CCBE1: variants seen among roughly 807,000 people sequenced by gnomAD.
The protein encoded by CCBE1 is collagen and calcium binding EGF domains 1, also known as collagen and calcium-binding EGF domain-containing protein 1.
A neutral mutation model predicts 50.0 loss-of-function variants in CCBE1; 37 were observed. The ratio of observed to expected loss-of-function variants is 0.74; its 90% CI spans 0.57 to 0.97. The LOEUF (loss-of-function observed/expected upper bound fraction) is 0.97. Among genes scored for constraint, CCBE1 ranks in the 50% least tolerant of loss-of-function variants. The probability of loss-of-function intolerance (pLI) is 0.00; values close to 1 mark genes in which losing one functional copy is unlikely to be tolerated. For missense variants in CCBE1, 538 were observed against 523.8 expected, an observed-to-expected ratio of 1.03 and a Z score of -0.26; for synonymous variants, 234 against 203.7, an observed-to-expected ratio of 1.15 and a Z score of -1.27.
chr18:59,580,374 T>G (rs757153660), intron 2 of CCBE1, among the ~76,000 whole-genome samples: 13 of 152,220 alleles, frequency 8.5e-5, no homozygotes, highest in Non-Finnish European at 1.8e-4. Flanking sequence ...ATGTTCATGT[T>G]GCATATGTTG....
chr18:59,509,727 A>G (rs1438295260), intron 2 of CCBE1, among the ~76,000 whole-genome samples: 1 of 152,206 alleles, frequency 6.6e-6, no homozygotes, highest in African/African-American at 2.4e-5. Flanking sequence ...CTGGAAAACA[A>G]CTATTTCATG....
At chr18:59,625,811 G>C (rs2053775873) in intron 2 of CCBE1, among the ~76,000 whole-genome samples, 1 of 152,040 alleles carries the variant, frequency 6.6e-6, no homozygotes, top group Admixed American at 6.6e-5. Context: ...CTGAGGGGTG[G>C]GGTCTTTGGG....
At chr18:59,527,068 T>A (rs1914853431) in intron 2 of CCBE1, among the ~76,000 whole-genome samples, 1 of 152,184 alleles carries the variant, frequency 6.6e-6, no homozygotes, top group Admixed American at 6.5e-5. Context: ...CTTTGTTAAT[T>A]TTCTCTCGAT....
At chr18:59,559,836 G>A (rs917988452) in intron 2 of CCBE1, among the ~76,000 whole-genome samples, 1 of 152,230 alleles carries the variant, frequency 6.6e-6, no homozygotes, top group East Asian at 1.9e-4. Context: ...CATGCCTGAA[G>A]ATATTCTGGG....
At chr18:59,540,666 A>G (rs1350564010) in intron 2 of CCBE1, among the ~76,000 whole-genome samples, 2 of 152,228 alleles carry the variant, frequency 1.3e-5, no homozygotes, top group Non-Finnish European at 2.9e-5. Context: ...ATGTCTTCCC[A>G]AATGAATTCA....
intron 2 of CCBE1, among the ~76,000 whole-genome samples, chr18:59,543,834 C>CAAAAAAAAAAAAA (rs10678902): frequency 8.3e-4 from 57 of 68,992 alleles, no homozygotes; most frequent in African/African-American, 4.0e-3. Flanking sequence ...GACTCCGTCT[C>CAAAAAAAAAAAAA]AAAAAAAAAA....
At position 59,435,956 on chromosome 18, in the gene CCBE1, T is replaced by C. The variant is rs1044109324; in HGVS notation, c.1173A>G (p.Arg391=). The change falls in exon 11 of 11, where the codon AGA becomes AGG. Residue 391 remains arginine, a synonymous_variant. Coordinates refer to ENST00000439986, the MANE Select transcript of CCBE1 (RefSeq NM_133459.4). ...CTCTCAAGTCTCTTGTCTCAGTTCT[T>C]CTTGGATGGTCATCTCCAGAGCCCA... ...MDLGSGDDHP[R]RTETRDLRAP... is the part of the protein sequence containing the mutation. 15 of 1,614,128 alleles carry C rather than the reference T, an allele frequency of 9.3e-6. No individual in the cohort carries two copies. Among genetic ancestry groups the C allele is most frequent in the Non-Finnish European group, 1.0e-5 (12 of 1,180,032 alleles).
intron 2 of CCBE1, among the ~76,000 whole-genome samples, chr18:59,684,037 G>A (rs1218975641): frequency 5.9e-5 from 9 of 152,136 alleles, no homozygotes; most frequent in Non-Finnish European, 1.0e-4. Context: ...TGTGGTCTCT[G>A]CTGATTATAA....
intron 2 of CCBE1, among the ~76,000 whole-genome samples, chr18:59,634,992 G>C (rs181870137): frequency 6.6e-6 from 1 of 152,238 alleles, no homozygotes; most frequent in East Asian, 1.9e-4. Flanking sequence ...AACAGCTGAG[G>C]GTTCTCCAGA....
intron 2 of CCBE1, among the ~76,000 whole-genome samples, chr18:59,541,051 A>C (rs1403750340): frequency 6.6e-6 from 1 of 152,220 alleles, no homozygotes; most frequent in Non-Finnish European, 1.5e-5. Context: ...AATTCATTTA[A>C]GCTGTCTGAG....
intron 2 of CCBE1, among the ~76,000 whole-genome samples, chr18:59,635,727 AT>A: frequency 6.6e-6 from 1 of 152,156 alleles, no homozygotes; most frequent in East Asian, 1.9e-4. Context: ...CAGGAAGAGT[AT>A]TTTTAGATTA....
At chr18:59,506,085 T>C (rs1194530306) in intron 2 of CCBE1, among the ~76,000 whole-genome samples, 1 of 152,158 alleles carries the variant, frequency 6.6e-6, no homozygotes, top group Non-Finnish European at 1.5e-5. Flanking sequence ...TCTTTGAAGA[T>C]GTAAATAAGA....
In CCBE1 at chr18:59,554,648, G is replaced by A. The variant is rs79337993; in HGVS notation, c.213-74410C>T. ...TCTAGTATAGAACAGGCCAACACTGGCTAACTCTTAAGGACTCAAAAGGCA... is the reference window on the plus strand; with the variant it reads ...TCTAGTATAGAACAGGCCAACACTGACTAACTCTTAAGGACTCAAAAGGCA... On this transcript the variant is annotated intron_variant, in intron 2 of 10. Transcript: ENST00000439986. Among the ~76,000 whole-genome samples the A allele has an allele frequency of 2.5e-3, 387 of 152,258 alleles. 11 individuals are homozygous for A. In the South Asian group the frequency reaches 0.04, roughly 16 times the overall value.
intron 2 of CCBE1, among the ~76,000 whole-genome samples, chr18:59,632,953 G>A (rs1247872426): frequency 2.0e-5 from 3 of 152,094 alleles, no homozygotes; most frequent in Non-Finnish European, 4.4e-5. Flanking sequence ...AGTAGACCAA[G>A]GGGAGGACCA....
chr18:59,527,115 C>G (rs377580700), intron 2 of CCBE1, among the ~76,000 whole-genome samples: 15 of 152,126 alleles, frequency 9.9e-5, no homozygotes, highest in African/African-American at 3.4e-4. Flanking sequence ...AAGTCTCCCA[C>G]TATTATTGTG....
chr18:59,667,751 C>T (rs1159951287), intron 2 of CCBE1, among the ~76,000 whole-genome samples: 2 of 152,158 alleles, frequency 1.3e-5, no homozygotes, highest in African/African-American at 2.4e-5. Context: ...GCCTACAGAA[C>T]TCAGGACACA....
intron 2 of CCBE1, among the ~76,000 whole-genome samples, chr18:59,569,883 G>T (rs2052885474): frequency 6.6e-6 from 1 of 152,086 alleles, no homozygotes; most frequent in African/African-American, 2.4e-5. Context: ...CTCCTGTCTG[G>T]GCCTCCCAAA....
chr18:59,611,736 A>T (rs931738426), intron 2 of CCBE1, among the ~76,000 whole-genome samples: 1 of 151,922 alleles, frequency 6.6e-6, no homozygotes, highest in Admixed American at 6.6e-5. Flanking sequence ...ACAGAGTGCA[A>T]CTCTGTCTTA....
At position 59,588,693 on chromosome 18, in the gene CCBE1, C is replaced by G. The variant is rs531305940; in HGVS notation, c.212+107936G>C. ...CTCTAGCAATGAGAGCTAGCAATGG[C>G]AGTATACAGCTCTTCTGGCATCTGG... On this transcript the variant is annotated intron_variant, in intron 2 of 10. Coordinates refer to ENST00000439986, the MANE Select transcript of CCBE1 (RefSeq NM_133459.4). Among the ~76,000 whole-genome samples, 12 of 152,320 alleles carry G rather than the reference C, an allele frequency of 7.9e-5. No homozygotes were observed. The South Asian group carries it at 1.7e-3, about 21-fold the overall frequency.
Sources: gnomAD v4.1 joint callset for allele counts (sites outside exome capture counted in the v4.1 genomes callset) on GRCh38, gnomAD v4.1.1 for gene constraint, MANE v1.5 for transcripts, NCBI Gene and HGNC (gene_info 2026-07-23, HGNC 2026-07-21) for gene names.